Variants in NRG1 observed in about 807,000 individuals in gnomAD.
The protein encoded by NRG1 is neuregulin 1.
In NRG1, 18 loss-of-function variants were observed where a neutral mutation model predicts 63.8. The observed-to-expected ratio is 0.28, with a 90% CI of 0.19 to 0.42. NRG1 has a LOEUF of 0.42. NRG1 is among the 10% of genes least tolerant of loss of function. The pLI is 1.00. For synonymous variants in NRG1, 302 were observed against 301.3 expected, an observed-to-expected ratio of 1.00 and a Z score of -0.02; for missense variants, 762 against 814.7, an observed-to-expected ratio of 0.94 and a Z score of 0.79.
chr8:32,052,572 C>A lies in NRG1; in HGVS notation c.37+413141C>A, dbSNP rs905433408. ...CTAAAAAAATAGTTTAGGACGTATTCACCTTAGAGATTTAAGAGTTTATAT... is the reference window on the plus strand; with the variant it reads ...CTAAAAAAATAGTTTAGGACGTATTAACCTTAGAGATTTAAGAGTTTATAT... On this transcript the variant is annotated intron_variant, in intron 1 of 10. Transcript: ENST00000519301. Among the ~76,000 whole-genome samples, 33 of 152,230 alleles carry A rather than the reference C, an allele frequency of 2.2e-4. No individual in the cohort carries two copies. In the East Asian group the frequency reaches 3.1e-3, roughly 14 times the overall value.
chr8:32,173,835 A>G (rs1452720748), intron 1 of NRG1, among the ~76,000 whole-genome samples: 1 of 152,216 alleles, frequency 6.6e-6, no homozygotes. Flanking sequence ...ACCCAGATTC[A>G]TAAAGCAAGT....
At chr8:32,282,007 A>G (rs1361649750) in intron 1 of NRG1, among the ~76,000 whole-genome samples, 1 of 152,130 alleles carries the variant, frequency 6.6e-6, no homozygotes, top group Non-Finnish European at 1.5e-5. Flanking sequence ...CAAGTCAAGA[A>G]AAACAACTGC....
intron 1 of NRG1, chr8:31,639,808 C>CCAT: frequency 8.0e-7 from 1 of 1,244,256 alleles, no homozygotes; most frequent in Non-Finnish European, 1.0e-6. Flanking sequence ...CACTTCTTCC[C>CCAT]CCTCCTCCTC....
chr8:32,243,315 T>C (rs10104832), intron 1 of NRG1, among the ~76,000 whole-genome samples: 2 of 151,842 alleles, frequency 1.3e-5, no homozygotes, highest in African/African-American at 4.8e-5. Flanking sequence ...TTCCAGCTAT[T>C]TCTACTCAGG....
At chr8:32,090,480 C>G (rs957345442) in intron 1 of NRG1, among the ~76,000 whole-genome samples, 1 of 152,008 alleles carries the variant, frequency 6.6e-6, no homozygotes, top group Non-Finnish European at 1.5e-5. Context: ...GCCATCAGAC[C>G]CAGCTAATTT....
intron 1 of NRG1, among the ~76,000 whole-genome samples, chr8:32,582,531 A>G (rs771599200): frequency 1.3e-5 from 2 of 152,350 alleles, no homozygotes; most frequent in Middle Eastern, 3.4e-3. Context: ...ACAGTATCCT[A>G]TTCAAAGTAT....
chr8:32,089,617 C>A lies in NRG1; in HGVS notation c.37+450186C>A, dbSNP rs562207234. Among the ~76,000 whole-genome samples the A allele has an allele frequency of 2.5e-4, 38 of 152,218 alleles. No individual in the cohort carries two copies. In the South Asian group the frequency reaches 6.6e-3, roughly 27 times the overall value. On this transcript the variant is annotated intron_variant, in intron 1 of 10. Transcript: ENST00000519301. ...GCAACATAAAGATAGAAAAATCCTC[C>A]TTTCAGCAATATGGCACTGTGTGCA... is the stretch of plus-strand genomic sequence containing the variant.
At chr8:32,099,982 T>C (rs942894496) in intron 1 of NRG1, among the ~76,000 whole-genome samples, 2 of 152,098 alleles carry the variant, frequency 1.3e-5, no homozygotes, top group African/African-American at 4.8e-5. Flanking sequence ...CAAGTGGGAT[T>C]GGAGTACAAG....
intron 1 of NRG1, among the ~76,000 whole-genome samples, chr8:32,031,597 C>G (rs1190009440): frequency 6.6e-5 from 10 of 152,098 alleles, no homozygotes; most frequent in Non-Finnish European, 1.5e-5. Context: ...GTTATTTATC[C>G]TGATGATCTC....
rs912981295 is a variant in NRG1, at chr8:31,958,708, A to G, written c.37+319277A>G. ...TTAGGAAAATATGCTTTACTATTACATAAGTTCTGGGATCAACTGATACAA... is the reference window on the plus strand; with the variant it reads ...TTAGGAAAATATGCTTTACTATTACGTAAGTTCTGGGATCAACTGATACAA... On this transcript the variant is annotated intron_variant, in intron 1 of 10. Coordinates refer to the NRG1 transcript ENST00000519301. Among the ~76,000 whole-genome samples the G allele has an allele frequency of 1.1e-4, 17 of 152,344 alleles. No homozygotes were observed. The East Asian group carries it at 1.2e-3, about 10-fold the overall frequency.
At chr8:32,600,926 A>T (rs1844236587) in intron 2 of NRG1, among the ~76,000 whole-genome samples, 1 of 152,170 alleles carries the variant, frequency 6.6e-6, no homozygotes, top group African/African-American at 2.4e-5. Context: ...TTCCAAGCTA[A>T]TTTCCTTCTT....
intron 1 of NRG1, among the ~76,000 whole-genome samples, chr8:32,288,728 T>C (rs1441143167): frequency 6.6e-6 from 1 of 152,104 alleles, no homozygotes; most frequent in African/African-American, 2.4e-5. Flanking sequence ...TTTTGCATCG[T>C]CAGCGTGAGG....
chr8:31,721,743 G>T (rs982687100), intron 1 of NRG1, among the ~76,000 whole-genome samples: 3 of 152,060 alleles, frequency 2.0e-5, no homozygotes, highest in Non-Finnish European at 4.4e-5. Context: ...TGTGTGAAAC[G>T]CATGTTGCAG....
At chr8:31,889,684 C>A (rs565375988) in intron 1 of NRG1, among the ~76,000 whole-genome samples, 1 of 152,288 alleles carries the variant, frequency 6.6e-6, no homozygotes, top group South Asian at 2.1e-4. Context: ...CATGTCACTG[C>A]ACATTTACCT....
intron 1 of NRG1, among the ~76,000 whole-genome samples, chr8:31,672,951 G>GT (rs5890593): frequency 0.49 from 69,418 of 142,868 alleles, 16,714 homozygotes; most frequent in East Asian, 0.7. Context: ...TAGAATCATA[G>GT]TTTTTTTTTT....
intron 1 of NRG1, among the ~76,000 whole-genome samples, chr8:31,664,390 G>A (rs1312322547): frequency 1.3e-5 from 2 of 152,168 alleles, no homozygotes; most frequent in African/African-American, 4.8e-5. Context: ...GAGGAAGGTT[G>A]GAAATATGAG....
chr8:31,797,272 A>G (rs1017596568), intron 1 of NRG1, among the ~76,000 whole-genome samples: 6 of 152,170 alleles, frequency 3.9e-5, no homozygotes, highest in African/African-American at 1.4e-4. Context: ...TTTCCTAGAG[A>G]TACTTACTCT....
intron 1 of NRG1, among the ~76,000 whole-genome samples, chr8:31,901,904 A>G (rs1260566822): frequency 1.3e-5 from 2 of 152,194 alleles, no homozygotes; most frequent in Non-Finnish European, 2.9e-5. Context: ...ACAATTTTGT[A>G]GAAAGGTCAT....
chr8:31,869,836 A>G (rs1829323823), intron 1 of NRG1, among the ~76,000 whole-genome samples: 1 of 152,210 alleles, frequency 6.6e-6, no homozygotes. Context: ...TATGCATTGA[A>G]CATGCGCATC....
Sources: allele counts gnomAD v4.1 joint callset (sites outside exome capture counted in the v4.1 genomes callset), GRCh38; gene constraint gnomAD v4.1.1; transcripts MANE v1.5; gene names NCBI Gene and HGNC (gene_info 2026-07-23, HGNC 2026-07-21).